Variants in RGS7 observed in about 807,000 individuals in gnomAD.
RGS7 encodes regulator of G protein signaling 7, also known as regulator of G-protein signaling 7.
A neutral mutation model predicts 81.1 loss-of-function variants in RGS7; 27 were observed. That is an observed-to-expected ratio of 0.33 (90% CI 0.25 to 0.46). The LOEUF (loss-of-function observed/expected upper bound fraction) is 0.46, where lower values mean the gene tolerates loss of function less well. Ranked by LOEUF, RGS7 falls within the 20% of genes least tolerant of loss-of-function variation. The pLI is 1.00. For missense variants in RGS7, 396 were observed against 607.4 expected (o/e 0.65, Z 3.66); for synonymous variants, 208 against 207.7 (o/e 1.00, Z -0.01).
At chr1:241,005,907 G>A (rs1312160885) in intron 3 of RGS7, among the ~76,000 whole-genome samples, 1 of 152,174 alleles carries the variant, frequency 6.6e-6, no homozygotes, top group East Asian at 1.9e-4. Context: ...CGTGTTCCAA[G>A]TTGCTGAGTC....
chr1:241,236,746 C>T (rs1295064435), intron 2 of RGS7, among the ~76,000 whole-genome samples: 1 of 152,158 alleles, frequency 6.6e-6, no homozygotes, highest in South Asian at 2.1e-4. Context: ...ATTAAACTTG[C>T]AGCCGAGAAA....
At chr1:241,293,160 G>C (rs1319261331) in intron 2 of RGS7, among the ~76,000 whole-genome samples, 1 of 152,068 alleles carries the variant, frequency 6.6e-6, no homozygotes, top group Non-Finnish European at 1.5e-5. Flanking sequence ...ATTTCCTATC[G>C]CCTAGCAACA....
intron 2 of RGS7, among the ~76,000 whole-genome samples, chr1:241,237,600 C>T (rs1485989176): frequency 4.6e-5 from 7 of 152,072 alleles, no homozygotes; most frequent in Admixed American, 4.6e-4. Context: ...TACTGAAGGA[C>T]TTAATTTTTA....
At chr1:240,964,863 C>T (rs747188047) in intron 4 of RGS7, among the ~76,000 whole-genome samples, 19 of 152,116 alleles carry the variant, frequency 1.2e-4, no homozygotes, top group Non-Finnish European at 2.6e-4. Flanking sequence ...ATGAAAAGAA[C>T]ATCCCTTTGT....
At chr1:241,205,076 ATTTT>A (rs10649310) in intron 2 of RGS7, among the ~76,000 whole-genome samples, 6 of 126,028 alleles carry the variant, frequency 4.8e-5, no homozygotes, top group Non-Finnish European at 1.7e-5. Context: ...TTCATTTGTG[ATTTT>A]TTTTTTTTTT....
chr1:241,123,334 T>G (rs1189120266), intron 2 of RGS7, among the ~76,000 whole-genome samples: 1 of 152,188 alleles, frequency 6.6e-6, no homozygotes, highest in Non-Finnish European at 1.5e-5. Flanking sequence ...CTGCCTTAGT[T>G]CAGGCAGTTA....
At chr1:240,775,268 A>G (rs1682783378), downstream of RGS7, among the ~76,000 whole-genome samples, 1 of 152,236 alleles carries the variant, frequency 6.6e-6, no homozygotes, top group Admixed American at 6.5e-5. Context: ...CCTTTTAAAT[A>G]GCTTTGAAAA....
intron 2 of RGS7, among the ~76,000 whole-genome samples, chr1:241,230,903 A>G (rs1019975204): frequency 2.0e-5 from 3 of 152,206 alleles, no homozygotes; most frequent in South Asian, 2.1e-4. Context: ...TGAGAGGGAC[A>G]TTGTAGTGGA....
At chr1:240,997,442 T>C (rs955122216) in intron 3 of RGS7, among the ~76,000 whole-genome samples, 2 of 152,194 alleles carry the variant, frequency 1.3e-5, no homozygotes, top group African/African-American at 4.8e-5. Context: ...CTCCCCAATT[T>C]TTAATGTTTT....
chr1:241,003,074 T>C (rs2058493510), intron 3 of RGS7, among the ~76,000 whole-genome samples: 1 of 152,220 alleles, frequency 6.6e-6, no homozygotes, highest in South Asian at 2.1e-4. Context: ...ATTTACACTA[T>C]TGGTATACTC....
chr1:241,128,904 C>T (rs1242149527), intron 2 of RGS7, among the ~76,000 whole-genome samples: 1 of 151,710 alleles, frequency 6.6e-6, no homozygotes, highest in Non-Finnish European at 1.5e-5. Flanking sequence ...ATGATATGCT[C>T]CCTTGGGGCT....
chr1:241,284,561 T>G (rs763745768), intron 2 of RGS7, among the ~76,000 whole-genome samples: 5 of 152,222 alleles, frequency 3.3e-5, no homozygotes, highest in Non-Finnish European at 7.3e-5. Flanking sequence ...ATGGGGCACC[T>G]TGCTACTGTC....
intron 2 of RGS7, among the ~76,000 whole-genome samples, chr1:241,294,664 A>AT (rs1197349727): frequency 6.6e-6 from 1 of 152,308 alleles, no homozygotes; most frequent in Non-Finnish European, 1.5e-5. Context: ...TGCAAGCTCC[A>AT]TTCATGGCAA....
At chr1:240,878,723 T>TACACAC (rs1156302289) in intron 6 of RGS7, among the ~76,000 whole-genome samples, 1 of 150,956 alleles carries the variant, frequency 6.6e-6, no homozygotes, top group Non-Finnish European at 1.5e-5. Flanking sequence ...ATTTGGTGTA[T>TACACAC]ACACACACAC....
At chr1:241,229,542 G>A (rs937737734) in intron 2 of RGS7, among the ~76,000 whole-genome samples, 3 of 152,150 alleles carry the variant, frequency 2.0e-5, no homozygotes, top group Non-Finnish European at 2.9e-5. Flanking sequence ...CTCCGAAACC[G>A]CCTTCTCAAG....
intron 2 of RGS7, among the ~76,000 whole-genome samples, chr1:241,285,733 A>G (rs1386567651): frequency 1.3e-5 from 2 of 152,156 alleles, no homozygotes; most frequent in African/African-American, 4.8e-5. Flanking sequence ...AATGTTCACA[A>G]CGAAGCTCCT....
At chr1:241,263,943 T>C (rs1008126306) in intron 2 of RGS7, among the ~76,000 whole-genome samples, 6 of 152,154 alleles carry the variant, frequency 3.9e-5, no homozygotes, top group Non-Finnish European at 8.8e-5. Context: ...TTCAAATAAA[T>C]GGCGCCTCTG....
intron 5 of RGS7, among the ~76,000 whole-genome samples, chr1:240,935,679 C>A (rs992494291): frequency 6.6e-6 from 1 of 152,152 alleles, no homozygotes; most frequent in African/African-American, 2.4e-5. Flanking sequence ...ATTTTTAAAG[C>A]ATATTTCCTC....
chr1:241,290,343 A>G (rs941828636), intron 2 of RGS7, among the ~76,000 whole-genome samples: 2 of 152,228 alleles, frequency 1.3e-5, no homozygotes, highest in East Asian at 3.8e-4. Context: ...ACTAGCTAAC[A>G]GATTGAATTT....
Sources: allele counts gnomAD v4.1 joint callset (sites outside exome capture counted in the v4.1 genomes callset), GRCh38; gene constraint gnomAD v4.1.1; transcripts MANE v1.5; gene names NCBI Gene and HGNC (gene_info 2026-07-23, HGNC 2026-07-21).